The following KCNIP4 variants were observed in gnomAD, a reference collection of about 807,000 sequenced individuals.
The protein encoded by KCNIP4 is potassium voltage-gated channel interacting protein 4, also known as Kv channel-interacting protein 4.
Under a neutral mutation model 34.0 loss-of-function variants are expected in KCNIP4, and 12 were observed. That is an observed-to-expected ratio of 0.35 (90% CI 0.23 to 0.57). The LOEUF is 0.57. KCNIP4 is among the 20% of genes least tolerant of loss of function. KCNIP4 has a pLI of 0.83. For missense variants in KCNIP4, 238 were observed against 311.7 expected, an observed-to-expected ratio of 0.76 and a Z score of 1.78; for synonymous variants, 124 against 102.2, an observed-to-expected ratio of 1.21 and a Z score of -1.29.
chr4:21,762,797 C>T (rs1718149168), intron 1 of KCNIP4: 3 of 581,078 alleles, frequency 5.2e-6, no homozygotes, highest in Non-Finnish European at 7.6e-6. Context: ...CCAGTCATGA[C>T]TCTTCTTTAT....
chr4:20,975,927 G>A (rs776338478), intron 1 of KCNIP4, among the ~76,000 whole-genome samples: 2 of 152,188 alleles, frequency 1.3e-5, no homozygotes, highest in South Asian at 2.1e-4. Context: ...TGTTTTATTA[G>A]AACATGGCCA....
intron 1 of KCNIP4, among the ~76,000 whole-genome samples, chr4:21,385,136 G>T (rs1033455114): frequency 1.3e-5 from 2 of 152,168 alleles, no homozygotes; most frequent in African/African-American, 4.8e-5. Flanking sequence ...TAGCCCAAAG[G>T]GTAATGGCAT....
intron 1 of KCNIP4, among the ~76,000 whole-genome samples, chr4:21,166,798 G>A (rs532827221): frequency 6.6e-6 from 1 of 152,036 alleles, no homozygotes; most frequent in Non-Finnish European, 1.5e-5. Context: ...AATTAGCCGG[G>A]TGTAGTGGCA....
intron 1 of KCNIP4, among the ~76,000 whole-genome samples, chr4:21,019,688 C>T (rs1310545344): frequency 6.6e-6 from 1 of 152,058 alleles, no homozygotes; most frequent in Admixed American, 6.5e-5. Flanking sequence ...AATACAGTGA[C>T]ATATATAATG....
At chr4:21,111,700 G>A (rs1360294294) in intron 1 of KCNIP4, among the ~76,000 whole-genome samples, 9 of 152,200 alleles carry the variant, frequency 5.9e-5, no homozygotes, top group Non-Finnish European at 1.0e-4. Flanking sequence ...TCCTGTGGAC[G>A]CTGCCTTGGA....
intron 1 of KCNIP4, among the ~76,000 whole-genome samples, chr4:21,342,141 C>G (rs1441658533): frequency 2.0e-5 from 3 of 151,984 alleles, no homozygotes; most frequent in Non-Finnish European, 4.4e-5. Context: ...CTAGCTAAGA[C>G]AAGGCACGGG....
chr4:20,731,868 T>A, intron 8 of KCNIP4, 138 bp downstream of exon 8: 1 of 1,439,272 alleles, frequency 6.9e-7, no homozygotes. Context: ...AGTGGTAGGC[T>A]TATGCTGCAT....
chr4:21,458,100 G>A (rs562421883), intron 1 of KCNIP4, among the ~76,000 whole-genome samples: 2 of 149,728 alleles, frequency 1.3e-5, no homozygotes, highest in Middle Eastern at 3.5e-3. Context: ...CCACTAACTC[G>A]TCATCTAGCA....
intron 1 of KCNIP4, among the ~76,000 whole-genome samples, chr4:21,131,643 A>G (rs1751082107): frequency 6.6e-6 from 1 of 151,818 alleles, no homozygotes; most frequent in African/African-American, 2.4e-5. Flanking sequence ...AAAAATAAAA[A>G]CCGGAAGAGG....
At chr4:21,875,742 T>C (rs975591745) in intron 1 of KCNIP4, among the ~76,000 whole-genome samples, 23 of 152,308 alleles carry the variant, frequency 1.5e-4, no homozygotes, top group Admixed American at 1.4e-3. Context: ...TTCAGATGAG[T>C]ATAATTGCAC....
chr4:21,929,128 T>C (rs1729426743), intron 1 of KCNIP4, among the ~76,000 whole-genome samples: 1 of 152,062 alleles, frequency 6.6e-6, no homozygotes, highest in African/African-American at 2.4e-5. Context: ...TTTAAAAACA[T>C]ACACATAAAA....
chr4:21,552,412 A>T (rs1450565693), intron 1 of KCNIP4, among the ~76,000 whole-genome samples: 2 of 152,178 alleles, frequency 1.3e-5, no homozygotes, highest in African/African-American at 4.8e-5. Flanking sequence ...AAATTAACTT[A>T]GTGGATTGAG....
At chr4:21,412,570 GA>G (rs1453426368) in intron 1 of KCNIP4, among the ~76,000 whole-genome samples, 1 of 152,180 alleles carries the variant, frequency 6.6e-6, no homozygotes, top group African/African-American at 2.4e-5. Context: ...ATACCTTGCT[GA>G]TTACTGGCAA....
chr4:21,802,912 T>C (rs1721085001), intron 1 of KCNIP4, among the ~76,000 whole-genome samples: 1 of 152,206 alleles, frequency 6.6e-6, no homozygotes, highest in Non-Finnish European at 1.5e-5. Flanking sequence ...TTACTGATCC[T>C]GGAATTTTTT....
rs541962417 is a variant in KCNIP4 at position 21,011,515 on chromosome 4, A to C, written c.62-128806T>G. Among the ~76,000 whole-genome samples the C allele has an allele frequency of 2.0e-5, 3 of 152,296 alleles. No individual in the cohort carries two copies. In the South Asian group the frequency reaches 6.2e-4, roughly 32 times the overall value. On this transcript the variant is annotated intron_variant, in intron 1 of 8. Transcript: ENST00000382152. ...CAACAGCTTTGCATATCCACATTGC[A>C]CCTGCTTCTGGACTATAAATGATTA...
At chr4:21,630,167 A>G (rs1745646925) in intron 1 of KCNIP4, among the ~76,000 whole-genome samples, 1 of 151,286 alleles carries the variant, frequency 6.6e-6, no homozygotes, top group Non-Finnish European at 1.5e-5. Context: ...CCCGGCCAAC[A>G]TATTTACTTT....
At chr4:20,956,495 A>T (rs980079735) in intron 1 of KCNIP4, among the ~76,000 whole-genome samples, 13 of 106,242 alleles carry the variant, frequency 1.2e-4, no homozygotes, top group Non-Finnish European at 2.2e-4. Flanking sequence ...ACAGTGCAAG[A>T]CTTCCTTCCA....
chr4:20,748,587 TA>T (rs1413258074), intron 5 of KCNIP4, among the ~76,000 whole-genome samples: 1 of 87,024 alleles, frequency 1.1e-5, no homozygotes, highest in Non-Finnish European at 2.7e-5. Flanking sequence ...TATATATATA[TA>T]TATATATATA....
chr4:20,915,047 T>C (rs1011743960), intron 1 of KCNIP4, among the ~76,000 whole-genome samples: 3 of 152,216 alleles, frequency 2.0e-5, no homozygotes, highest in South Asian at 2.1e-4. Flanking sequence ...AGTTCTATCA[T>C]TGCTTGTGTT....
Sources: gnomAD v4.1 joint callset for allele counts (sites outside exome capture counted in the v4.1 genomes callset) on GRCh38, gnomAD v4.1.1 for gene constraint, MANE v1.5 for transcripts, NCBI Gene and HGNC (gene_info 2026-07-23, HGNC 2026-07-21) for gene names.